The following EFCAB6 variants were observed in gnomAD, a reference collection of about 807,000 sequenced individuals.
EFCAB6 encodes EF-hand calcium-binding domain-containing protein 6.
In EFCAB6, 156 loss-of-function variants were observed where a neutral mutation model predicts 169.8. The ratio of observed to expected loss-of-function variants is 0.92; its 90% CI spans 0.81 to 1.05. The LOEUF is 1.05. Among genes scored for constraint, EFCAB6 ranks in the 50% least tolerant of loss-of-function variants. The probability of loss-of-function intolerance (pLI) is 0.00; values close to 1 mark genes in which losing one functional copy is unlikely to be tolerated. For synonymous variants in EFCAB6, 698 were observed against 676.4 expected, an observed-to-expected ratio of 1.03 and a Z score of -0.50; for missense variants, 1,800 against 1,829.1, an observed-to-expected ratio of 0.98 and a Z score of 0.29.
At chr22:43,596,627 C>T (rs1369635486) in intron 23 of EFCAB6, among the ~76,000 whole-genome samples, 1 of 152,060 alleles carries the variant, frequency 6.6e-6, no homozygotes, top group African/African-American at 2.4e-5. Flanking sequence ...AATGATATCC[C>T]TTGCTCATGG....
At chr22:43,800,046 G>A (rs955678158) in intron 2 of EFCAB6, among the ~76,000 whole-genome samples, 1 of 152,204 alleles carries the variant, frequency 6.6e-6, no homozygotes, top group Non-Finnish European at 1.5e-5. Context: ...GTAAAGAGGG[G>A]GAGGTGGGAC....
At chr22:43,622,543 G>A (rs1241967818) in intron 20 of EFCAB6, among the ~76,000 whole-genome samples, 1 of 152,158 alleles carries the variant, frequency 6.6e-6, no homozygotes, top group Non-Finnish European at 1.5e-5. Context: ...TCCAGCCCGG[G>A]TGACAAGAGC....
At chr22:43,693,593 A>G (rs1244793936) in intron 10 of EFCAB6, among the ~76,000 whole-genome samples, 1 of 150,398 alleles carries the variant, frequency 6.6e-6, no homozygotes, top group African/African-American at 2.5e-5. Flanking sequence ...ATATAAATCA[A>G]TTACAGACTT....
intron 17 of EFCAB6, among the ~76,000 whole-genome samples, chr22:43,657,390 T>C (rs563439310): frequency 2.6e-5 from 4 of 152,046 alleles, no homozygotes; most frequent in East Asian, 3.9e-4. Flanking sequence ...TAGAATCTAT[T>C]CTCTGATCAC....
Position 43,761,866 on chromosome 22 carries a change from T to G in EFCAB6, c.440+3439A>C, listed in dbSNP as rs534352633. 8.5e-5 allele frequency among the ~76,000 whole-genome samples: 13 copies of G among 152,356 alleles called. No homozygotes were observed. In the East Asian group the frequency reaches 2.5e-3, roughly 29 times the overall value. ...ATCTATTGGTTTGTAGTCCTCATTC[T>G]TTGATAGTTCCAATATTTCGAGTGT... On this transcript the variant is annotated intron_variant, in intron 5 of 31. Transcript: ENST00000262726.
rs778677243 is a variant in EFCAB6 at position 43,590,065 on chromosome 22, C to G, written c.3032+9G>C. 6.2e-7 allele frequency: 1 copy of G among 1,609,662 alleles called. No individual in the cohort carries two copies. Reference sequence around the variant, plus strand: ...CATGAGAAACATATTTAACTGAGTCCAAAAAGACCTGTTTAGCAGATGGGT... The same window carrying G: ...CATGAGAAACATATTTAACTGAGTCGAAAAAGACCTGTTTAGCAGATGGGT... On this transcript the variant is annotated intron_variant, in intron 24 of 31. Coordinates refer to ENST00000262726, the MANE Select transcript of EFCAB6 (RefSeq NM_022785.4).
rs755275467 is a variant in EFCAB6, at chr22:43,744,690, AG to A, written c.508-8698del. Among the ~76,000 whole-genome samples the A allele has an allele frequency of 6.6e-6, 1 of 152,116 alleles. No individual in the cohort carries two copies. Among genetic ancestry groups the A allele is most frequent in the Non-Finnish European group, 1.5e-5 (1 of 68,018 alleles). ...CTCAACAGGAAACCATGAAGTTCAG[AG>A]GCCCCCAAAGCACTGTCCTAATTAC... On this transcript the variant is annotated intron_variant, in intron 6 of 31. Transcript: ENST00000262726. The surrounding 1 kb of genome is among the most constrained non-coding windows in gnomAD (Gnocchi z 4.3).
At chr22:43,627,796 G>T (rs547827466) in intron 19 of EFCAB6, among the ~76,000 whole-genome samples, 1 of 152,212 alleles carries the variant, frequency 6.6e-6, no homozygotes, top group Non-Finnish European at 1.5e-5. Context: ...TATCAAGCAA[G>T]ACCTGCTGTG....
chr22:43,648,962 G>T (rs780278713), intron 17 of EFCAB6, among the ~76,000 whole-genome samples: 62 of 152,232 alleles, frequency 4.1e-4, no homozygotes, highest in Non-Finnish European at 6.6e-4. Flanking sequence ...CATTAGTGAG[G>T]AGTGACTTGT....
chr22:43,731,713 C>A lies in EFCAB6; in HGVS notation c.743G>T (p.Cys248Phe), dbSNP rs774247298. The part of the protein sequence containing the change: ...SINNDLNLRY[C>F]MGNQEVSLEN... ...AAAATACTTACCTTGATTTCCCATA[C>A]AATATCTAAGGTTCAAGTCGTTATT... is the stretch of plus-strand genomic sequence containing the variant. The change falls in exon 8 of 32, where the codon TGT becomes TTT. Residue 248 changes from cysteine to phenylalanine, a missense_variant. Physicochemically the swap from Cys to Phe is radical, Grantham distance 205 (BLOSUM62 -2). Coordinates refer to ENST00000262726, the MANE Select transcript of EFCAB6 (RefSeq NM_022785.4). 2 of 1,585,046 alleles carry A rather than the reference C, an allele frequency of 1.3e-6. No individual in the cohort carries two copies. Among genetic ancestry groups the A allele is most frequent in the South Asian group, 1.2e-5 (1 of 84,726 alleles).
intron 19 of EFCAB6, among the ~76,000 whole-genome samples, chr22:43,630,851 A>T (rs1489402110): frequency 5.3e-5 from 8 of 152,172 alleles, no homozygotes. Flanking sequence ...CCTGGATGAG[A>T]TCATTAGGAC....
rs1288215520 is a variant in EFCAB6, at chr22:43,795,183, G to A, written c.-7-12858C>T. Among the ~76,000 whole-genome samples the A allele has an allele frequency of 6.6e-6, 1 of 152,134 alleles. No individual in the cohort carries two copies. Among genetic ancestry groups the A allele is most frequent in the Admixed American group, 6.5e-5 (1 of 15,274 alleles). ...TATTTTAATGGAGTAGGATATCACT[G>A]CTATAACTGGTAACTAGAAAATATG... On this transcript the variant is annotated intron_variant, in intron 2 of 31. Transcript: ENST00000262726. This position sits in a 1 kb window ranked among gnomAD's most constrained non-coding sequence, Gnocchi z 4.2.
chr22:43,632,647 TC>T (rs1275165143), intron 18 of EFCAB6, among the ~76,000 whole-genome samples: 3 of 152,218 alleles, frequency 2.0e-5, no homozygotes, highest in African/African-American at 7.2e-5. Flanking sequence ...CTGTCCCGAA[TC>T]CTGTTAAAAT....
At chr22:43,692,811 GA>G (rs371701382) in intron 10 of EFCAB6, among the ~76,000 whole-genome samples, 2 of 151,814 alleles carry the variant, frequency 1.3e-5, no homozygotes, top group African/African-American at 4.8e-5. Flanking sequence ...GAATGGGACA[GA>G]AAAAAATATT....
chr22:43,584,084 A>G (rs2050900738), intron 24 of EFCAB6, among the ~76,000 whole-genome samples: 1 of 152,214 alleles, frequency 6.6e-6, no homozygotes, highest in Non-Finnish European at 1.5e-5. Flanking sequence ...GAATCAACCT[A>G]TGAACCAAGC....
chr22:43,789,847 TCACACACACACACA>T (rs34752280), intron 2 of EFCAB6, among the ~76,000 whole-genome samples: 5 of 143,302 alleles, frequency 3.5e-5, no homozygotes, highest in South Asian at 2.3e-4. Context: ...TGGCTAACCT[TCACACACACACACA>T]CACACACACA....
chr22:43,554,645 G>A, intron 27 of EFCAB6: 1 of 553,430 alleles, frequency 1.8e-6, no homozygotes, highest in East Asian at 3.1e-5. Context: ...TGATTTTAAA[G>A]GCAACAGTGA....
intron 19 of EFCAB6, among the ~76,000 whole-genome samples, chr22:43,629,621 G>A (rs1042006126): frequency 6.6e-6 from 1 of 152,174 alleles, no homozygotes; most frequent in African/African-American, 2.4e-5. Flanking sequence ...CACCCTGCGG[G>A]CTGTGTGCTA....
rs1431903405 is a variant in EFCAB6 at position 43,724,517 on chromosome 22, G to A, written c.757+7182C>T. Among the ~76,000 whole-genome samples, 5 of 151,768 alleles carry A rather than the reference G, an allele frequency of 3.3e-5. No homozygotes were observed. In the South Asian group the frequency reaches 8.3e-4, roughly 25 times the overall value. On this transcript the variant is annotated intron_variant, in intron 8 of 31. Transcript: ENST00000262726. ...CAAGTAGCTGGGATTACAGGCACAC[G>A]CCACCACGCCCAGCTAATTTTTTTA... is the stretch of plus-strand genomic sequence containing the variant.
Sources: gnomAD v4.1 joint callset for allele counts (sites outside exome capture counted in the v4.1 genomes callset) on GRCh38, gnomAD v4.1.1 for gene constraint, Gnocchi (gnomAD v3.1) non-coding constraint, MANE v1.5 for transcripts, NCBI Gene and HGNC (gene_info 2026-07-23, HGNC 2026-07-21) for gene names.